CPPED1: variants seen among roughly 807,000 people sequenced by gnomAD.
The protein encoded by CPPED1 is serine/threonine-protein phosphatase CPPED1.
Under a neutral mutation model 28.0 loss-of-function variants are expected in CPPED1, and 28 were observed. The ratio of observed to expected loss-of-function variants is 1.00; its 90% CI spans 0.74 to 1.37. The LOEUF (loss-of-function observed/expected upper bound fraction) is 1.37, where lower values mean the gene tolerates loss of function less well. Ranked by LOEUF, CPPED1 falls within the 40% of genes most tolerant of loss-of-function variation. CPPED1 has a pLI of 0.00. For missense variants in CPPED1, 504 were observed against 416.5 expected (o/e 1.21, Z -1.83); for synonymous variants, 198 against 180.2 (o/e 1.10, Z -0.79).
In CPPED1 at chr16:12,694,790, T is replaced by C. The variant is rs1450219382; in HGVS notation, c.715+9834A>G. Among the ~76,000 whole-genome samples, 2 of 151,544 alleles carry C rather than the reference T, an allele frequency of 1.3e-5. 1 individual carries two copies. The highest frequency in any genetic ancestry group is 2.9e-5 in the Non-Finnish European group (2 of 67,868). On this transcript the variant is annotated intron_variant, in intron 3 of 3. Transcript: ENST00000381774. ...TTTTTTAAAAACCCCCCCCTTTTTT[T>C]TTTTGAGATGGAGTTTTGCTCTCGT...
chr16:12,746,573 G>A (rs1452455320), intron 2 of CPPED1, among the ~76,000 whole-genome samples: 4 of 152,050 alleles, frequency 2.6e-5, no homozygotes, highest in African/African-American at 9.7e-5. Flanking sequence ...ACAAAGGCAC[G>A]AAGCCCACCA....
In CPPED1 at chr16:12,723,432, G is replaced by C. The variant is rs1294737667; in HGVS notation, c.290-18383C>G. On this transcript the variant is annotated intron_variant, in intron 2 of 3. Coordinates refer to ENST00000381774, the MANE Select transcript of CPPED1 (RefSeq NM_018340.3). ...TAAGTAAGTTAAAGTGAGGTCGTTA[G>C]GGTGAGCCTTAGTTCAGCCTGACTG... Among the ~76,000 whole-genome samples the C allele has an allele frequency of 2.0e-5, 3 of 152,224 alleles. No homozygotes were observed. The East Asian group carries it at 5.8e-4, about 29-fold the overall frequency.
chr16:12,694,580 T>C (rs1198261056), intron 3 of CPPED1, among the ~76,000 whole-genome samples: 9 of 151,936 alleles, frequency 5.9e-5, no homozygotes. Flanking sequence ...TGTGTGATGT[T>C]TTGCGGTGAA....
chr16:12,670,831 A>G lies in CPPED1; in HGVS notation c.716-5716T>C, dbSNP rs1482565144. Among the ~76,000 whole-genome samples, 4 of 152,118 alleles carry G rather than the reference A, an allele frequency of 2.6e-5. No individual in the cohort carries two copies. The highest frequency in any genetic ancestry group is 5.9e-5 in the Non-Finnish European group (4 of 68,024). On this transcript the variant is annotated intron_variant, in intron 3 of 3. Coordinates refer to ENST00000381774, the MANE Select transcript of CPPED1 (RefSeq NM_018340.3). This position sits in a 1 kb window ranked among gnomAD's most constrained non-coding sequence, Gnocchi z 4.2. ...AAATGTAAATGATCCATGTGTTTTT[A>G]TTTTTTTAATTATTTATTTATTTTT...
At chr16:12,715,229 C>A (rs927889906) in intron 2 of CPPED1, among the ~76,000 whole-genome samples, 1 of 152,160 alleles carries the variant, frequency 6.6e-6, no homozygotes, top group South Asian at 2.1e-4. Context: ...AACTGTGAGT[C>A]TTCCAACTTT....
chr16:12,682,141 C>G lies in CPPED1; in HGVS notation c.716-17026G>C, dbSNP rs919690837. On this transcript the variant is annotated intron_variant, in intron 3 of 3. Coordinates refer to ENST00000381774, the MANE Select transcript of CPPED1 (RefSeq NM_018340.3). This position sits in a 1 kb window ranked among gnomAD's most constrained non-coding sequence, Gnocchi z 6.1. ...TTGCGTATCCTGGGTTCAAGCAGTT[C>G]TCCCTGCCTCAGCCTCCCGAGTAGC... 6.6e-6 allele frequency among the ~76,000 whole-genome samples: 1 copy of G among 152,206 alleles called. No individual in the cohort carries two copies. Among genetic ancestry groups the G allele is most frequent in the South Asian group, 2.1e-4 (1 of 4,812 alleles).
chr16:12,691,913 T>G (rs538212755), intron 3 of CPPED1, among the ~76,000 whole-genome samples: 1 of 151,206 alleles, frequency 6.6e-6, no homozygotes, highest in Non-Finnish European at 1.5e-5. Flanking sequence ...TGTATACGTA[T>G]GTAACAAACC....
intron 2 of CPPED1, among the ~76,000 whole-genome samples, chr16:12,755,125 G>T (rs1477321853): frequency 2.6e-5 from 4 of 152,084 alleles, no homozygotes; most frequent in Admixed American, 2.6e-4. Context: ...TTTCCTCCTG[G>T]ACATAAAGTG....
At chr16:12,685,480 A>G (rs545495230) in intron 3 of CPPED1, among the ~76,000 whole-genome samples, 6 of 152,326 alleles carry the variant, frequency 3.9e-5, no homozygotes, top group Admixed American at 2.0e-4. Flanking sequence ...AAATGATAAT[A>G]ATAGCAATAA....
intron 1 of CPPED1, among the ~76,000 whole-genome samples, chr16:12,792,956 C>T (rs778091095): frequency 5.3e-5 from 8 of 152,186 alleles, no homozygotes; most frequent in South Asian, 2.1e-4. Context: ...TTCTGGTATA[C>T]GCTCTCCATT....
intron 1 of CPPED1, among the ~76,000 whole-genome samples, chr16:12,799,182 TG>T (rs1316717351): frequency 4.6e-4 from 70 of 152,060 alleles, no homozygotes; most frequent in African/African-American, 1.6e-3. Flanking sequence ...TAGGGACTGT[TG>T]CTTGAGTTAA....
At chr16:12,727,373 G>C (rs1174433125) in intron 2 of CPPED1, among the ~76,000 whole-genome samples, 1 of 152,110 alleles carries the variant, frequency 6.6e-6, no homozygotes, top group Non-Finnish European at 1.5e-5. Context: ...TGTTTGTTGA[G>C]ATACAATCTT....
intron 3 of CPPED1, among the ~76,000 whole-genome samples, chr16:12,677,184 T>C (rs540643223): frequency 1.3e-5 from 2 of 152,348 alleles, no homozygotes; most frequent in African/African-American, 4.8e-5. Context: ...AAGAAACTCC[T>C]GCACATTTCC....
intron 2 of CPPED1, among the ~76,000 whole-genome samples, chr16:12,718,983 T>C (rs1288509927): frequency 6.6e-6 from 1 of 151,974 alleles, no homozygotes; most frequent in African/African-American, 2.4e-5. Flanking sequence ...CACGGGCTAA[T>C]AGTTTCATGT....
rs533071093 is a variant in CPPED1 at position 12,709,335 on chromosome 16, G to T, written c.290-4286C>A. ...GAAGGATTGTTCTGGGGTCTCCAAGGTGGATAAGAGGTATCTGCTGAGAAG... is the reference window on the plus strand; with the variant it reads ...GAAGGATTGTTCTGGGGTCTCCAAGTTGGATAAGAGGTATCTGCTGAGAAG... On this transcript the variant is annotated intron_variant, in intron 2 of 3. Transcript: ENST00000381774. This position sits in a 1 kb window ranked among gnomAD's most constrained non-coding sequence, Gnocchi z 4.4. 6.6e-6 allele frequency among the ~76,000 whole-genome samples: 1 copy of T among 152,258 alleles called. No individual in the cohort carries two copies. Among genetic ancestry groups the T allele is most frequent in the South Asian group, 2.1e-4 (1 of 4,822 alleles).
chr16:12,715,430 T>G (rs2080102266), intron 2 of CPPED1, among the ~76,000 whole-genome samples: 1 of 151,984 alleles, frequency 6.6e-6, no homozygotes, highest in Non-Finnish European at 1.5e-5. Context: ...GAGGCTGAGG[T>G]GGGCAGATCA....
chr16:12,699,637 G>C (rs2080009751), intron 3 of CPPED1, among the ~76,000 whole-genome samples: 1 of 152,144 alleles, frequency 6.6e-6, no homozygotes, highest in African/African-American at 2.4e-5. Flanking sequence ...GGTTTGGGGA[G>C]AGATGTGCTC....
intron 2 of CPPED1, among the ~76,000 whole-genome samples, chr16:12,762,418 A>G (rs1297573912): frequency 3.3e-4 from 50 of 152,232 alleles, no homozygotes; most frequent in Non-Finnish European, 1.6e-4. Flanking sequence ...AAGTGATTCA[A>G]ATTAATCAAC....
intron 2 of CPPED1, among the ~76,000 whole-genome samples, chr16:12,745,305 C>T (rs1052231898): frequency 6.6e-6 from 1 of 152,172 alleles, no homozygotes; most frequent in African/African-American, 2.4e-5. Context: ...GAAGACCCAG[C>T]AATCCCATTA....
Sources: gnomAD v4.1 joint callset for allele counts (sites outside exome capture counted in the v4.1 genomes callset) on GRCh38, gnomAD v4.1.1 for gene constraint, Gnocchi (gnomAD v3.1) non-coding constraint, MANE v1.5 for transcripts, NCBI Gene and HGNC (gene_info 2026-07-23, HGNC 2026-07-21) for gene names.